Variants in BANF2 observed in about 807,000 individuals in gnomAD.
The protein encoded by BANF2 is barrier-to-autointegration factor-like protein.
A neutral mutation model predicts 8.0 loss-of-function variants in BANF2; 4 were observed. That is an observed-to-expected ratio of 0.50 (90% CI 0.25 to 1.14). The LOEUF is 1.14. Ranked by LOEUF, BANF2 falls within the 50% of genes most tolerant of loss-of-function variation. BANF2 has a pLI of 0.16. For missense variants in BANF2, 96 were observed against 107.5 expected, an observed-to-expected ratio of 0.89 and a Z score of 0.47; for synonymous variants, 50 against 40.6, an observed-to-expected ratio of 1.23 and a Z score of -0.88.
chr20:17,694,444 G>T (rs1296480865), intron 1 of BANF2, among the ~76,000 whole-genome samples: 1 of 152,112 alleles, frequency 6.6e-6, no homozygotes, highest in African/African-American at 2.4e-5. Flanking sequence ...CTTAGGAACT[G>T]AGTGGAAGCT....
chr20:17,702,448 G>C (rs1160043642), intron 1 of BANF2, among the ~76,000 whole-genome samples: 2 of 152,212 alleles, frequency 1.3e-5, no homozygotes, highest in East Asian at 3.8e-4. Context: ...CCTTCTGCGT[G>C]GTGCCCTGAA....
chr20:17,702,550 G>C (rs79766842), intron 1 of BANF2, among the ~76,000 whole-genome samples: 1 of 152,196 alleles, frequency 6.6e-6, no homozygotes, highest in African/African-American at 2.4e-5. Flanking sequence ...ACAGACCTCT[G>C]CTGCCAGTTT....
At chr20:17,698,476 C>G (rs1049744082), upstream of BANF2, among the ~76,000 whole-genome samples, 2 of 152,228 alleles carry the variant, frequency 1.3e-5, no homozygotes, top group Non-Finnish European at 2.9e-5. Flanking sequence ...TAGGCACCTA[C>G]GGGTGGGTCC....
At chr20:17,703,151 C>A (rs2037434221) in intron 1 of BANF2, among the ~76,000 whole-genome samples, 1 of 152,232 alleles carries the variant, frequency 6.6e-6, no homozygotes, top group Non-Finnish European at 1.5e-5. Flanking sequence ...TGCCCCTGTT[C>A]AACAGGAGGG....
At chr20:17,734,188 A>T (rs1274276907) in intron 3 of BANF2, among the ~76,000 whole-genome samples, 1 of 152,236 alleles carries the variant, frequency 6.6e-6, no homozygotes, top group Non-Finnish European at 1.5e-5. Flanking sequence ...AGATGAATTA[A>T]AAGCCTCGAG....
intron 3 of BANF2, among the ~76,000 whole-genome samples, chr20:17,728,254 C>T (rs954544785): frequency 1.3e-5 from 2 of 152,180 alleles, no homozygotes; most frequent in Admixed American, 6.5e-5. Flanking sequence ...CCTGGCCTCG[C>T]CCCATGGGCT....
At chr20:17,713,784 A>G (rs1190869375) in intron 1 of BANF2, among the ~76,000 whole-genome samples, 3 of 152,160 alleles carry the variant, frequency 2.0e-5, no homozygotes, top group Admixed American at 2.0e-4. Context: ...GCAGTGAGCT[A>G]TAATCAGGCC....
At chr20:17,729,574 A>G (rs1233406631) in intron 3 of BANF2, among the ~76,000 whole-genome samples, 1 of 152,182 alleles carries the variant, frequency 6.6e-6, no homozygotes, top group African/African-American at 2.4e-5. Flanking sequence ...CGTCTCTACT[A>G]AAACTACAGA....
chr20:17,705,281 TA>T (rs2037466658), intron 1 of BANF2, among the ~76,000 whole-genome samples: 1 of 152,192 alleles, frequency 6.6e-6, no homozygotes, highest in Admixed American at 6.5e-5. Flanking sequence ...GTTAGAAAGC[TA>T]AAAAATTGTC....
Position 17,718,352 on chromosome 20 carries a change from C to T in BANF2, c.-166-4364C>T, listed in dbSNP as rs921287104. Reference sequence around the variant, plus strand: ...CCCGAGTAGCTGGGATTACAGGCGCCCACCACCATGCCTGGCTAATTTTTG... The same window carrying T: ...CCCGAGTAGCTGGGATTACAGGCGCTCACCACCATGCCTGGCTAATTTTTG... On this transcript the variant is annotated intron_variant, in intron 1 of 3. Transcript: ENST00000246090. 2.0e-5 allele frequency among the ~76,000 whole-genome samples: 3 copies of T among 151,968 alleles called. No individual in the cohort carries two copies. In the South Asian group the frequency reaches 6.2e-4, roughly 32 times the overall value.
At chr20:17,711,380 A>C (rs1568810537) in intron 1 of BANF2, among the ~76,000 whole-genome samples, 1 of 152,266 alleles carries the variant, frequency 6.6e-6, no homozygotes. Context: ...CGTATAAAGA[A>C]AATACGATTC....
chr20:17,716,143 T>C lies in BANF2; in HGVS notation c.-166-6573T>C, dbSNP rs563137361. ...GTGGTACACCCTGAAAAGTAGTTCC[T>C]GAGTGGACTGTACAAAATGGAGCCC... On this transcript the variant is annotated intron_variant, in intron 1 of 3. Coordinates refer to ENST00000246090, the MANE Select transcript of BANF2 (RefSeq NM_178477.5). Among the ~76,000 whole-genome samples the C allele has an allele frequency of 8.5e-5, 13 of 152,302 alleles. No homozygotes were observed. The East Asian group carries it at 2.5e-3, about 29-fold the overall frequency.
chr20:17,734,449 C>A (rs1047499583), intron 3 of BANF2, among the ~76,000 whole-genome samples: 1 of 152,172 alleles, frequency 6.6e-6, no homozygotes, highest in African/African-American at 2.4e-5. Flanking sequence ...ACACCGTGTG[C>A]ATTAGGAAGG....
At chr20:17,712,953 G>A (rs1251958234) in intron 1 of BANF2, among the ~76,000 whole-genome samples, 1 of 152,138 alleles carries the variant, frequency 6.6e-6, no homozygotes, top group Non-Finnish European at 1.5e-5. Flanking sequence ...GTCTTAGAAA[G>A]AGGAAAAATC....
chr20:17,710,458 A>G (rs1209730663), intron 1 of BANF2, among the ~76,000 whole-genome samples: 1 of 152,246 alleles, frequency 6.6e-6, no homozygotes, highest in Non-Finnish European at 1.5e-5. Flanking sequence ...TTTGAGGACT[A>G]TGCATGACAA....
intron 1 of BANF2, among the ~76,000 whole-genome samples, chr20:17,719,731 C>T (rs1600222838): frequency 6.7e-6 from 1 of 149,932 alleles, no homozygotes; most frequent in East Asian, 2.0e-4. Context: ...TCAGGTCTGT[C>T]TGCTCTGAAG....
chr20:17,714,571 A>G (rs1320999092), intron 1 of BANF2, among the ~76,000 whole-genome samples: 1 of 152,238 alleles, frequency 6.6e-6, no homozygotes, highest in Non-Finnish European at 1.5e-5. Flanking sequence ...TGGCTTCTTC[A>G]TGGATCGTTG....
chr20:17,728,700 T>C (rs1411104985), intron 3 of BANF2, among the ~76,000 whole-genome samples: 2 of 152,134 alleles, frequency 1.3e-5, no homozygotes, highest in African/African-American at 4.8e-5. Flanking sequence ...CTGCCATGGA[T>C]CTACCTAAGC....
chr20:17,731,987 A>G (rs535511736), intron 3 of BANF2, among the ~76,000 whole-genome samples: 194 of 151,988 alleles, frequency 1.3e-3, no homozygotes, highest in African/African-American at 4.1e-3. Flanking sequence ...AATCGCTTGA[A>G]CCTGGGATGC....
Sources: allele counts gnomAD v4.1 joint callset (sites outside exome capture counted in the v4.1 genomes callset), GRCh38; gene constraint gnomAD v4.1.1; transcripts MANE v1.5; gene names NCBI Gene and HGNC (gene_info 2026-07-23, HGNC 2026-07-21).